TRIP12: variants seen among roughly 807,000 people sequenced by gnomAD.
TRIP12 encodes E3 ubiquitin-protein ligase TRIP12.
In TRIP12, 25 loss-of-function variants were observed where a neutral mutation model predicts 244.2. That is an observed-to-expected ratio of 0.10 (90% CI 0.07 to 0.14). The LOEUF (loss-of-function observed/expected upper bound fraction) is 0.14, where lower values mean the gene tolerates loss of function less well. Ranked by LOEUF, TRIP12 falls within the 10% of genes least tolerant of loss-of-function variation. The pLI, the probability that TRIP12 is intolerant of heterozygous loss-of-function variation, is 1.00. For synonymous variants in TRIP12, 905 were observed against 873.1 expected (o/e 1.04, Z -0.64); for missense variants, 1,677 against 2,486.4 (o/e 0.67, Z 6.92).
At chr2:229,851,076 G>C (rs551952069) in intron 4 of TRIP12, among the ~76,000 whole-genome samples, 44 of 152,290 alleles carry the variant, frequency 2.9e-4, no homozygotes, top group Admixed American at 1.2e-3. Context: ...CAGTACCATC[G>C]ATCACCCAAG....
chr2:229,917,380 C>CAAAAAAAAAAAAAAAAAAAAAA lies in TRIP12; in HGVS notation c.-50+4478_-50+4499dup, dbSNP rs60397605. Among the ~76,000 whole-genome samples the CAAAAAAAAAAAAAAAAAAAAAA allele has an allele frequency of 2.1e-4, 6 of 29,266 alleles. 1 individual carries two copies. The highest frequency in any genetic ancestry group is 1.8e-4 in the Non-Finnish European group (3 of 16,780). The allele number at this position is 29,266 out of a possible 152,430, so 19.2% of individuals were successfully genotyped here. ...TGGGCAACAGAGCGAGACTCTGTCTCAAAAAAAAAAAAAAAAAAAAAAAAA... is the reference window on the plus strand; with the variant it reads ...TGGGCAACAGAGCGAGACTCTGTCTCAAAAAAAAAAAAAAAAAAAAAAAAAAAAAAAAAAAAAAAAAAAAAAA... On this transcript the variant is annotated intron_variant, in intron 1 of 41. Coordinates refer to ENST00000675903, the MANE Select transcript of TRIP12 (RefSeq NM_001348323.3).
At position 229,765,611 on chromosome 2, in the gene TRIP12, A is replaced by G. The variant is rs750364851; in HGVS notation, c.*1943T>C. The G allele has an allele frequency of 4.6e-5, 7 of 152,242 alleles. No individual in the cohort carries two copies. Among genetic ancestry groups the G allele is most frequent in the Non-Finnish European group, 8.8e-5 (6 of 68,034 alleles). 9.4% of individuals were successfully genotyped at this position (152,242 alleles called of 1,614,324 possible). A position where few individuals can be genotyped will look rare whatever the true frequency, so the allele number is the denominator to read the frequency against. The stretch of plus-strand genomic sequence containing the variant: ...AAATGTCAAGTACAGATGAAACATT[A>G]TTTTGTTTATACATGTCTAAATTTT... On this transcript the variant is annotated 3_prime_UTR_variant, in exon 42 of 42. Transcript: ENST00000675903.
At chr2:229,780,540 A>G (rs1394832879) in intron 34 of TRIP12, among the ~76,000 whole-genome samples, 2 of 152,096 alleles carry the variant, frequency 1.3e-5, no homozygotes, top group Non-Finnish European at 2.9e-5. Flanking sequence ...CACGGCCTAC[A>G]TGACCCCTCT....
At chr2:229,883,116 C>G (rs913650333) in intron 1 of TRIP12, among the ~76,000 whole-genome samples, 2 of 152,192 alleles carry the variant, frequency 1.3e-5, no homozygotes, top group African/African-American at 2.4e-5. Context: ...AAGGGACCCT[C>G]GGAGATGATC....
chr2:229,894,870 T>C (rs1345346038), intron 1 of TRIP12, among the ~76,000 whole-genome samples: 1 of 152,216 alleles, frequency 6.6e-6, no homozygotes, highest in South Asian at 2.1e-4. Context: ...AAAACTTCTC[T>C]GCCAGTCTGA....
chr2:229,805,346 T>C (rs185025037), intron 18 of TRIP12, among the ~76,000 whole-genome samples: 1 of 152,226 alleles, frequency 6.6e-6, no homozygotes. Flanking sequence ...GGTTTTGTTT[T>C]GTTTTGTTTT....
intron 5 of TRIP12, among the ~76,000 whole-genome samples, chr2:229,839,977 C>T (rs1420661758): frequency 1.3e-5 from 2 of 152,142 alleles, no homozygotes; most frequent in Non-Finnish European, 2.9e-5. Flanking sequence ...TTTTCTTGAG[C>T]GAAAGGTGTT....
intron 26 of TRIP12, among the ~76,000 whole-genome samples, chr2:229,794,392 C>A (rs966984920): frequency 4.6e-5 from 7 of 152,036 alleles, no homozygotes; most frequent in African/African-American, 1.2e-4. Context: ...CAAAGTGAGA[C>A]CCCGTCTCTA....
rs542943616 is a variant in TRIP12, at chr2:229,823,804, TG to T, written c.1451-5293del. Among the ~76,000 whole-genome samples, 1,004 of 152,058 alleles carry T rather than the reference TG, an allele frequency of 6.6e-3. 12 individuals are homozygous for T. The highest frequency in any genetic ancestry group is 0.023 in the African/African-American group (957 of 41,464). On this transcript the variant is annotated intron_variant, in intron 8 of 41. Coordinates refer to ENST00000675903, the MANE Select transcript of TRIP12 (RefSeq NM_001348323.3). ...GGGTCTGCGACTAGCCTGCGCAACA[TG>T]GCGAGATGGCATCTCATTAATTCAT...
intron 8 of TRIP12, among the ~76,000 whole-genome samples, chr2:229,824,243 C>T (rs1001953686): frequency 8.6e-5 from 13 of 151,786 alleles, no homozygotes; most frequent in African/African-American, 2.2e-4. Context: ...AAGAAATATA[C>T]GAAGATACAT....
At chr2:229,806,673 T>C (rs2154274791) in intron 17 of TRIP12, among the ~76,000 whole-genome samples, 1 of 152,350 alleles carries the variant, frequency 6.6e-6, no homozygotes, top group South Asian at 2.1e-4. Flanking sequence ...ACTGCTTATA[T>C]ATAATGCTGC....
At chr2:229,788,719 C>A in intron 32 of TRIP12, 79 bp downstream of exon 32, 1 of 1,530,828 alleles carries the variant, frequency 6.5e-7, no homozygotes, top group Non-Finnish European at 8.8e-7. Flanking sequence ...CCAGTAAAGA[C>A]AATGTTTCTG....
chr2:229,871,942 G>A (rs191947618), intron 2 of TRIP12, among the ~76,000 whole-genome samples: 4 of 151,826 alleles, frequency 2.6e-5, no homozygotes, highest in Non-Finnish European at 5.9e-5. Context: ...ACAAGTTCAC[G>A]ATGACAGTGA....
In TRIP12 at chr2:229,765,109, G is replaced by A. The variant is rs897860048; in HGVS notation, c.*2445C>T. On this transcript the variant is annotated 3_prime_UTR_variant, in exon 42 of 42. Transcript: ENST00000675903. The stretch of plus-strand genomic sequence containing the variant: ...TCCTTCTTGGAATAGTTAAAAATAC[G>A]TTCTCATATATAAAGCAGATCGAAT... The A allele has an allele frequency of 6.6e-6, 1 of 152,080 alleles. No homozygotes were observed. The highest frequency in any genetic ancestry group is 2.4e-5 in the African/African-American group (1 of 41,392). 9.4% of individuals were successfully genotyped at this position (152,080 alleles called of 1,614,324 possible).
At chr2:229,793,214 A>C (rs2041974059) in intron 26 of TRIP12, 69 bp from the exon 27 acceptor site, 1 of 1,477,230 alleles carries the variant, frequency 6.8e-7, no homozygotes, top group Non-Finnish European at 9.1e-7. Flanking sequence ...ATTCAAATAA[A>C]GGCAAGTTAA....
chr2:229,887,807 A>G (rs1325438875), intron 1 of TRIP12, among the ~76,000 whole-genome samples: 1 of 152,202 alleles, frequency 6.6e-6, no homozygotes, highest in Non-Finnish European at 1.5e-5. Flanking sequence ...ATTTTCTGCA[A>G]GAGCATCATA....
At chr2:229,806,736 AT>A (rs1341105699) in intron 17 of TRIP12, among the ~76,000 whole-genome samples, 1 of 152,178 alleles carries the variant, frequency 6.6e-6, no homozygotes, top group Admixed American at 6.5e-5. Flanking sequence ...CTGAAACTGG[AT>A]TTATTTTTAA....
At chr2:229,845,525 C>T (rs1245246784) in intron 4 of TRIP12, among the ~76,000 whole-genome samples, 1 of 151,974 alleles carries the variant, frequency 6.6e-6, no homozygotes, top group East Asian at 1.9e-4. Context: ...CTGACCCAGA[C>T]TTTGAGGGGG....
chr2:229,832,953 T>A (rs2053837014), intron 6 of TRIP12, among the ~76,000 whole-genome samples: 1 of 152,164 alleles, frequency 6.6e-6, no homozygotes, highest in Admixed American at 6.5e-5. Flanking sequence ...ATAGTGGGTA[T>A]TTTTTAAAAC....
Sources: gnomAD v4.1 joint callset for allele counts (sites outside exome capture counted in the v4.1 genomes callset) on GRCh38, gnomAD v4.1.1 for gene constraint, MANE v1.5 for transcripts, NCBI Gene and HGNC (gene_info 2026-07-23, HGNC 2026-07-21) for gene names.